The following LRRK1 variants were observed in gnomAD, a reference collection of about 807,000 sequenced individuals.
LRRK1 encodes leucine-rich repeat serine/threonine-protein kinase 1.
LRRK1 carries 113 observed loss-of-function variants against 209.1 expected under a neutral mutation model. The ratio of observed to expected loss-of-function variants is 0.54; its 90% confidence interval spans 0.46 to 0.63. The LOEUF is 0.63. Ranked by LOEUF, LRRK1 falls within the 30% of genes least tolerant of loss-of-function variation. The pLI is 0.00. For synonymous variants in LRRK1, 1,144 were observed against 1,099.7 expected, an observed-to-expected ratio of 1.04 and a Z score of -0.80; for missense variants, 2,284 against 2,632.2, an observed-to-expected ratio of 0.87 and a Z score of 2.89.
At chr15:100,982,504 A>G (rs1285334910) in intron 3 of LRRK1, among the ~76,000 whole-genome samples, 1 of 152,208 alleles carries the variant, frequency 6.6e-6, no homozygotes, top group Non-Finnish European at 1.5e-5. Context: ...ATATATTAAC[A>G]CATGGCCCTC....
intron 6 of LRRK1, among the ~76,000 whole-genome samples, chr15:100,991,486 T>C (rs775230577): frequency 6.6e-6 from 1 of 152,182 alleles, no homozygotes; most frequent in Non-Finnish European, 1.5e-5. Flanking sequence ...ACTATCTATA[T>C]ATTTATATAA....
intron 26 of LRRK1, among the ~76,000 whole-genome samples, chr15:101,054,472 A>T (rs2035674312): frequency 6.6e-6 from 1 of 152,218 alleles, no homozygotes; most frequent in Non-Finnish European, 1.5e-5. Flanking sequence ...TCTGTCCTTT[A>T]TGGCAGTCTG....
intron 2 of LRRK1, among the ~76,000 whole-genome samples, chr15:100,952,904 C>G (rs1306383563): frequency 6.6e-6 from 1 of 152,148 alleles, no homozygotes; most frequent in Admixed American, 6.5e-5. Context: ...AATCTATTGA[C>G]CAAAATTAAC....
intron 28 of LRRK1, 64 bp from the exon 29 acceptor site, chr15:101,057,926 G>A: frequency 2.6e-6 from 4 of 1,568,500 alleles, no homozygotes; most frequent in Non-Finnish European, 3.5e-6. Context: ...GATCTCATGG[G>A]CAGAACGGGC....
At chr15:100,953,216 A>G (rs1349035823) in intron 2 of LRRK1, among the ~76,000 whole-genome samples, 3 of 152,226 alleles carry the variant, frequency 2.0e-5, no homozygotes, top group Non-Finnish European at 4.4e-5. Flanking sequence ...AACAGGCTGT[A>G]CATTAGATCC....
chr15:101,022,682 G>C lies in LRRK1; in HGVS notation c.2067+85G>C. The C allele has an allele frequency of 1.0e-6, 1 of 993,208 alleles. No individual in the cohort carries two copies. The allele number at this position is 993,208 out of a possible 1,614,324, so 61.5% of individuals were successfully genotyped here. On this transcript the variant is annotated intron_variant, in intron 15 of 33. Transcript: ENST00000388948. The surrounding 1 kb of genome is among the most constrained non-coding windows in gnomAD (Gnocchi z 4.0). The stretch of plus-strand genomic sequence containing the variant: ...TCTCCCTTCTCCCCAGAGAGCCCAG[G>C]ATTTTCTCAGCCTGGTGTCCAAAGC...
intron 2 of LRRK1, among the ~76,000 whole-genome samples, chr15:100,951,602 G>A (rs116152842): frequency 4.1e-4 from 63 of 152,142 alleles, no homozygotes; most frequent in East Asian, 1.9e-4. Context: ...GGAATATTAC[G>A]CAGCAATAGC....
chr15:101,027,676 G>GGCAGAGCA lies in LRRK1; in HGVS notation c.2570_2577dup (p.Arg860SerfsTer14). 1 of 1,613,230 alleles carries GGCAGAGCA rather than the reference G, an allele frequency of 6.2e-7. No individual in the cohort carries two copies. The highest frequency in any genetic ancestry group is 8.5e-7 in the Non-Finnish European group (1 of 1,179,746). On this transcript the variant is annotated frameshift_variant, in exon 19 of 34. Coordinates refer to ENST00000388948, the MANE Select transcript of LRRK1 (RefSeq NM_024652.6). LOFTEE classifies it high-confidence loss of function. The surrounding 1 kb of genome is among the most constrained non-coding windows in gnomAD (Gnocchi z 5.1). ...ACCTGAGCCTGCAGGAGGCCGTGCT[G>GGCAGAGCA]GCAGAGCAGCAGCGCCGCAGCCGGG...
intron 12 of LRRK1, among the ~76,000 whole-genome samples, chr15:101,017,958 A>G (rs1031880033): frequency 6.6e-6 from 1 of 152,108 alleles, no homozygotes; most frequent in African/African-American, 2.4e-5. Context: ...TAACTTTGCT[A>G]TGAGGGAGAT....
chr15:101,076,594 T>C lies in LRRK1; in HGVS notation c.*7746T>C, dbSNP rs1329524894. On this transcript the variant is annotated 3_prime_UTR_variant, in exon 34 of 34. Coordinates refer to ENST00000388948, the MANE Select transcript of LRRK1 (RefSeq NM_024652.6). ...CAGGCTGTGCTATAGTACAAGCCGC[T>C]AGCCCGCCTCTTAGAACCTCTCATT... 1 of 152,464 alleles carries C rather than the reference T, an allele frequency of 6.6e-6. No individual in the cohort carries two copies. Among genetic ancestry groups the C allele is most frequent in the Non-Finnish European group, 1.5e-5 (1 of 68,260 alleles). 9.4% of individuals were successfully genotyped at this position (152,464 alleles called of 1,614,324 possible).
intron 2 of LRRK1, among the ~76,000 whole-genome samples, chr15:100,938,998 CAG>C (rs2042354232): frequency 6.6e-6 from 1 of 152,186 alleles, no homozygotes; most frequent in Non-Finnish European, 1.5e-5. Context: ...GAGACTGAGA[CAG>C]GAGAATCGCT....
At chr15:101,044,232 C>G (rs1210262652) in intron 20 of LRRK1, 1 of 152,272 alleles carries the variant, frequency 6.6e-6, no homozygotes, top group Non-Finnish European at 1.5e-5. Flanking sequence ...CCATGAACTC[C>G]CTGGAAGTAC....
rs186405993 is a variant in LRRK1, at chr15:101,045,798, C to A, written c.2964-183C>A. ...TTCATTTTCCTTTGGAGTATTTATT[C>A]TTAGCATATAAACCACGCTTCTCTT... On this transcript the variant is annotated intron_variant, in intron 20 of 33. Transcript: ENST00000388948. 3.2e-4 allele frequency among the ~76,000 whole-genome samples: 48 copies of A among 152,304 alleles called. 1 individual carries two copies. The highest frequency in any genetic ancestry group is 2.9e-3 in the Admixed American group (44 of 15,308).
At position 101,058,112 on chromosome 15, in the gene LRRK1, G is replaced by A. The variant is rs1285928005; in HGVS notation, c.4650G>A (p.Val1550=). The change falls in exon 29 of 34, where the codon GTG becomes GTA. Residue 1550 remains valine (V), a synonymous_variant. Transcript: ENST00000388948. ...CATCCCAGGGCCAGGAGTACACCGT[G>A]GTGTTTTGGGATGGAAAAGAGGAGT... ...FFSSQGQEYT[V]VFWDGKEESR... 3 of 1,614,048 alleles carry A rather than the reference G, an allele frequency of 1.9e-6. No individual in the cohort carries two copies. In the African/African-American group the frequency reaches 4.0e-5, roughly 22 times the overall value.
At chr15:100,930,822 G>A (rs2042198461) in intron 2 of LRRK1, among the ~76,000 whole-genome samples, 3 of 152,170 alleles carry the variant, frequency 2.0e-5, no homozygotes, top group South Asian at 4.1e-4. Context: ...CCATCACTAG[G>A]GATTTTTATG....
intron 2 of LRRK1, among the ~76,000 whole-genome samples, chr15:100,951,014 A>C (rs1596188417): frequency 6.6e-6 from 1 of 152,158 alleles, no homozygotes; most frequent in Non-Finnish European, 1.5e-5. Flanking sequence ...GAGGCAGGAG[A>C]ATGGCGTGAA....
At chr15:101,045,870 C>T in intron 20 of LRRK1, 111 bp from the exon 21 acceptor site, 2 of 862,830 alleles carry the variant, frequency 2.3e-6, no homozygotes, top group Non-Finnish European at 3.8e-6. Context: ...AACCCAGCAG[C>T]CTGAGGTGTT....
chr15:101,048,928 T>C (rs1297501720), intron 22 of LRRK1, among the ~76,000 whole-genome samples: 5 of 152,132 alleles, frequency 3.3e-5, no homozygotes, highest in Non-Finnish European at 7.4e-5. Flanking sequence ...GTGGCGGCCA[T>C]TGAGCTCAGG....
chr15:101,019,497 A>G (rs2033683807), intron 12 of LRRK1, among the ~76,000 whole-genome samples: 1 of 152,226 alleles, frequency 6.6e-6, no homozygotes. Context: ...TCCCATTCAC[A>G]GTACAGCTAG....
Sources: gnomAD v4.1 joint callset for allele counts (sites outside exome capture counted in the v4.1 genomes callset) on GRCh38, gnomAD v4.1.1 for gene constraint, Gnocchi (gnomAD v3.1) non-coding constraint, MANE v1.5 for transcripts, NCBI Gene and HGNC (gene_info 2026-07-23, HGNC 2026-07-21) for gene names.